Variants in CRPPA observed in about 807,000 individuals in gnomAD.
The protein encoded by CRPPA is D-ribitol-5-phosphate cytidylyltransferase.
A neutral mutation model predicts 52.0 loss-of-function variants in CRPPA; 43 were observed. The ratio of observed to expected loss-of-function variants is 0.83; its 90% CI spans 0.65 to 1.07. The LOEUF is 1.07. CRPPA is among the 50% of genes least tolerant of loss of function. CRPPA has a pLI of 0.00. For missense variants in CRPPA, 629 were observed against 551.7 expected, an observed-to-expected ratio of 1.14 and a Z score of -1.40; for synonymous variants, 250 against 203.5, an observed-to-expected ratio of 1.23 and a Z score of -1.94.
chr7:16,213,797 T>A (rs1782222171), intron 9 of CRPPA, among the ~76,000 whole-genome samples: 1 of 152,104 alleles, frequency 6.6e-6, no homozygotes, highest in South Asian at 2.1e-4. Flanking sequence ...TTCTTATTTG[T>A]CCCTTAGTCT....
chr7:16,335,833 AT>A (rs1352737158), intron 3 of CRPPA, among the ~76,000 whole-genome samples: 1 of 152,218 alleles, frequency 6.6e-6, no homozygotes, highest in Non-Finnish European at 1.5e-5. Flanking sequence ...TAATCAAATT[AT>A]CAAAAACCAA....
At chr7:16,418,111 G>A (rs1255218808) in intron 1 of CRPPA, among the ~76,000 whole-genome samples, 2 of 152,168 alleles carry the variant, frequency 1.3e-5, no homozygotes, top group Non-Finnish European at 1.5e-5. Flanking sequence ...ACAGTCTGTA[G>A]GGCTGATCTT....
At position 16,343,401 on chromosome 7, in the gene CRPPA, G is replaced by A. The variant is rs1191310418; in HGVS notation, c.684+32691C>T. Among the ~76,000 whole-genome samples the A allele has an allele frequency of 2.0e-5, 3 of 152,228 alleles. No homozygotes were observed. In the East Asian group the frequency reaches 5.8e-4, roughly 29 times the overall value. On this transcript the variant is annotated intron_variant, in intron 3 of 9. Coordinates refer to ENST00000407010, the MANE Select transcript of CRPPA (RefSeq NM_001101426.4). ...TGAAAACTGGCATTGTACAATTACAGTAAAACCGGAAGCCTAGTAGCCAAT... is the reference window on the plus strand; with the variant it reads ...TGAAAACTGGCATTGTACAATTACAATAAAACCGGAAGCCTAGTAGCCAAT...
intron 9 of CRPPA, among the ~76,000 whole-genome samples, chr7:16,173,357 T>C (rs1781233159): frequency 1.3e-5 from 2 of 152,192 alleles, no homozygotes; most frequent in Non-Finnish European, 2.9e-5. Flanking sequence ...CTTAATAATA[T>C]GGCAAGCATT....
At chr7:16,401,161 C>T (rs922556353) in intron 2 of CRPPA, among the ~76,000 whole-genome samples, 2 of 152,192 alleles carry the variant, frequency 1.3e-5, no homozygotes, top group African/African-American at 4.8e-5. Context: ...GTGACCAGCC[C>T]ACTTCCTAAA....
intron 3 of CRPPA, among the ~76,000 whole-genome samples, chr7:16,316,368 C>T (rs1785144374): frequency 6.6e-6 from 1 of 152,074 alleles, no homozygotes; most frequent in Admixed American, 6.6e-5. Flanking sequence ...TCTTTTATTA[C>T]TTCTTGCCCA....
intron 9 of CRPPA, 108 bp downstream of exon 9, chr7:16,215,958 G>C: frequency 1.1e-6 from 1 of 883,630 alleles, no homozygotes; most frequent in Non-Finnish European, 1.7e-6. Context: ...TAACTTTCCA[G>C]CTGTAATTTC....
At chr7:16,282,764 A>G (rs1784344743) in intron 5 of CRPPA, among the ~76,000 whole-genome samples, 4 of 152,076 alleles carry the variant, frequency 2.6e-5, no homozygotes, top group African/African-American at 7.2e-5. Context: ...CATAAGAAAT[A>G]TGGTGGATCT....
chr7:16,363,682 A>G (rs889470370), intron 3 of CRPPA, among the ~76,000 whole-genome samples: 4 of 152,198 alleles, frequency 2.6e-5, no homozygotes, highest in African/African-American at 9.6e-5. Flanking sequence ...TTAGTGATGG[A>G]ATCTAGAAAA....
intron 2 of CRPPA, among the ~76,000 whole-genome samples, chr7:16,382,431 C>A (rs1657638466): frequency 6.6e-6 from 1 of 152,190 alleles, no homozygotes; most frequent in African/African-American, 2.4e-5. Context: ...AACATTTTTT[C>A]TTTCATTTCA....
intron 8 of CRPPA, among the ~76,000 whole-genome samples, chr7:16,239,465 T>G (rs1583456691): frequency 6.7e-6 from 1 of 149,138 alleles, no homozygotes; most frequent in Non-Finnish European, 1.5e-5. Context: ...TAAATGATAT[T>G]GAAAATACAA....
chr7:16,254,935 G>A (rs960268434), intron 8 of CRPPA, among the ~76,000 whole-genome samples: 11 of 152,190 alleles, frequency 7.2e-5, no homozygotes, highest in Non-Finnish European at 4.4e-5. Context: ...TGGAAGTTCT[G>A]GCCAGGGCAA....
At chr7:16,418,269 T>C (rs1334565616) in intron 1 of CRPPA, among the ~76,000 whole-genome samples, 2 of 152,184 alleles carry the variant, frequency 1.3e-5, no homozygotes, top group African/African-American at 4.8e-5. Context: ...GTGATAAAAA[T>C]GAGCCATGAA....
rs78314341 is a variant in CRPPA, at chr7:16,405,934, A to G, written c.534+127T>C. The G allele has an allele frequency of 5.9e-3, 5,002 of 842,074 alleles. 89 individuals are homozygous for G. The highest frequency in any genetic ancestry group is 0.049 in the African/African-American group (2,842 of 58,154). The allele number at this position is 842,074 out of a possible 1,614,324, so 52.2% of individuals were successfully genotyped here. A position where few individuals can be genotyped will look rare whatever the true frequency, so the allele number is the denominator to read the frequency against. ...TAAAGTTACTACAACAAATCACCAT[A>G]ACATCTTTAGGTCATCATGCACATT... is the stretch of plus-strand genomic sequence containing the variant. On this transcript the variant is annotated intron_variant, in intron 2 of 9. Coordinates refer to ENST00000407010, the MANE Select transcript of CRPPA (RefSeq NM_001101426.4).
chr7:16,379,972 A>G (rs1787030623), intron 2 of CRPPA, among the ~76,000 whole-genome samples: 1 of 151,912 alleles, frequency 6.6e-6, no homozygotes, highest in South Asian at 2.1e-4. Context: ...CCAACTGAAT[A>G]CCCTTTATTT....
chr7:16,401,806 C>T (rs980502513), intron 2 of CRPPA, among the ~76,000 whole-genome samples: 6 of 152,054 alleles, frequency 3.9e-5, no homozygotes, highest in African/African-American at 1.4e-4. Context: ...GAAAAGATTA[C>T]GGACCTCTAA....
At chr7:16,229,573 T>C (rs1782738373) in intron 8 of CRPPA, among the ~76,000 whole-genome samples, 1 of 152,090 alleles carries the variant, frequency 6.6e-6, no homozygotes, top group Non-Finnish European at 1.5e-5. Context: ...ATATTTAGTA[T>C]TTTTCATGTC....
intron 9 of CRPPA, among the ~76,000 whole-genome samples, chr7:16,123,556 A>AG (rs1233009003): frequency 2.6e-5 from 4 of 152,186 alleles, no homozygotes; most frequent in African/African-American, 9.6e-5. Context: ...AGCTCTTAGC[A>AG]GGGGACCACC....
intron 9 of CRPPA, among the ~76,000 whole-genome samples, chr7:16,180,382 C>T (rs547607760): frequency 5.9e-5 from 9 of 152,036 alleles, no homozygotes; most frequent in South Asian, 2.1e-4. Context: ...ACTTACTTGA[C>T]GGAGTCAAAA....
Sources: allele counts gnomAD v4.1 joint callset (sites outside exome capture counted in the v4.1 genomes callset), GRCh38; gene constraint gnomAD v4.1.1; transcripts MANE v1.5; gene names NCBI Gene and HGNC (gene_info 2026-07-23, HGNC 2026-07-21).